CA10: variants seen among roughly 807,000 people sequenced by gnomAD.
The protein encoded by CA10 is carbonic anhydrase 10 (inactive).
CA10 carries 14 observed loss-of-function variants against 44.2 expected under a neutral mutation model. That is an observed-to-expected ratio of 0.32 (90% CI 0.21 to 0.50). CA10 has a LOEUF of 0.50. CA10 is among the 20% of genes least tolerant of loss of function. The pLI is 0.99. For missense variants in CA10, 350 were observed against 409.7 expected (o/e 0.85, Z 1.26); for synonymous variants, 159 against 141.6 (o/e 1.12, Z -0.87).
chr17:51,663,793 C>T (rs543552175), intron 4 of CA10, among the ~76,000 whole-genome samples: 1 of 152,286 alleles, frequency 6.6e-6, no homozygotes, highest in South Asian at 2.1e-4. Flanking sequence ...TGTTAAGTTC[C>T]ATAGATAACA....
intron 2 of CA10, among the ~76,000 whole-genome samples, chr17:51,963,837 C>T (rs1983982020): frequency 6.6e-6 from 1 of 151,990 alleles, no homozygotes; most frequent in Non-Finnish European, 1.5e-5. Flanking sequence ...TCTCACAGGC[C>T]CTATAAAGCA....
At chr17:51,871,123 A>G (rs1979790402) in intron 3 of CA10, among the ~76,000 whole-genome samples, 1 of 128,952 alleles carries the variant, frequency 7.8e-6, no homozygotes, top group Non-Finnish European at 1.5e-5. Context: ...GAGTGGCATG[A>G]TCTTGGCTCA....
chr17:51,957,328 T>C (rs1983703794), intron 2 of CA10, among the ~76,000 whole-genome samples: 1 of 152,210 alleles, frequency 6.6e-6, no homozygotes, highest in African/African-American at 2.4e-5. Flanking sequence ...CTTCTGTTTA[T>C]TATGAGAGTA....
chr17:51,995,220 T>C (rs2093699436), intron 2 of CA10, among the ~76,000 whole-genome samples: 1 of 152,052 alleles, frequency 6.6e-6, no homozygotes, highest in Non-Finnish European at 1.5e-5. Flanking sequence ...AGTTATAAAA[T>C]ATTTGGTACA....
intron 4 of CA10, among the ~76,000 whole-genome samples, chr17:51,722,691 T>C (rs984515649): frequency 6.6e-6 from 1 of 152,162 alleles, no homozygotes; most frequent in Non-Finnish European, 1.5e-5. Flanking sequence ...AGACATATTA[T>C]CACTATTTTC....
At chr17:52,138,415 C>T (rs1171194501) in intron 1 of CA10, among the ~76,000 whole-genome samples, 1 of 152,160 alleles carries the variant, frequency 6.6e-6, no homozygotes, top group East Asian at 1.9e-4. Context: ...AATTAGGACA[C>T]AAACATCTTT....
chr17:52,114,591 G>A (rs374459868), intron 1 of CA10, among the ~76,000 whole-genome samples: 16 of 152,320 alleles, frequency 1.1e-4, no homozygotes, highest in African/African-American at 3.1e-4. Context: ...TAAGAGGGCA[G>A]AATTAGTAAT....
chr17:51,891,709 G>C (rs1028249592), intron 3 of CA10, among the ~76,000 whole-genome samples: 1 of 152,186 alleles, frequency 6.6e-6, no homozygotes, highest in Admixed American at 6.5e-5. Flanking sequence ...TTGGTATGGT[G>C]GCTCAGGAGG....
intron 2 of CA10, among the ~76,000 whole-genome samples, chr17:52,056,859 C>T (rs1987243284): frequency 6.6e-6 from 1 of 152,038 alleles, no homozygotes. Flanking sequence ...TCTAAATAGT[C>T]ACACAGAATG....
intron 3 of CA10, among the ~76,000 whole-genome samples, chr17:51,858,066 T>C (rs1173699117): frequency 1.3e-5 from 2 of 152,134 alleles, no homozygotes; most frequent in Non-Finnish European, 2.9e-5. Context: ...TATTATTATG[T>C]AAATTGAGAA....
intron 3 of CA10, among the ~76,000 whole-genome samples, chr17:51,886,849 T>A (rs1446701913): frequency 6.6e-6 from 1 of 152,156 alleles, no homozygotes; most frequent in Non-Finnish European, 1.5e-5. Context: ...CACCCTGGGA[T>A]TTTGGTACTT....
At chr17:51,900,725 T>C (rs1981277160) in intron 3 of CA10, among the ~76,000 whole-genome samples, 1 of 152,176 alleles carries the variant, frequency 6.6e-6, no homozygotes, top group Non-Finnish European at 1.5e-5. Context: ...TTCATTTTTT[T>C]CTTTATTTTT....
At chr17:51,995,019 T>G (rs1310470575) in intron 2 of CA10, among the ~76,000 whole-genome samples, 2 of 152,076 alleles carry the variant, frequency 1.3e-5, no homozygotes, top group African/African-American at 2.4e-5. Context: ...GGTCTTTTTT[T>G]CTTTCCTATA....
intron 3 of CA10, among the ~76,000 whole-genome samples, chr17:51,848,641 G>A (rs1007436100): frequency 6.6e-6 from 1 of 152,334 alleles, no homozygotes; most frequent in South Asian, 2.1e-4. Flanking sequence ...CCCAATATGA[G>A]CCTGGGACAA....
intron 3 of CA10, among the ~76,000 whole-genome samples, chr17:51,861,026 C>G (rs78260056): frequency 9.1e-4 from 138 of 152,276 alleles, no homozygotes; most frequent in African/African-American, 3.2e-3. Context: ...TTTATGAAGC[C>G]ACTGTCCCTC....
chr17:51,709,071 C>T (rs954339485), intron 4 of CA10, among the ~76,000 whole-genome samples: 1 of 151,970 alleles, frequency 6.6e-6, no homozygotes, highest in Non-Finnish European at 1.5e-5. Context: ...TTAGTTCTGT[C>T]CCTTCAGAGA....
rs200695631 is a variant in CA10, at chr17:51,649,272, A to G, written c.562-18T>C. On this transcript the variant is annotated intron_variant, in intron 5 of 8. Transcript: ENST00000451037. ...TCAGAAACCTGGAGGAGAAAAGAAAATATTAATGACTGGGCATCACTCTTG... is the reference window on the plus strand; with the variant it reads ...TCAGAAACCTGGAGGAGAAAAGAAAGTATTAATGACTGGGCATCACTCTTG... 38 of 1,569,670 alleles carry G rather than the reference A, an allele frequency of 2.4e-5. No individual in the cohort carries two copies. In the East Asian group the frequency reaches 8.3e-4, roughly 34 times the overall value.
chr17:51,888,322 C>T lies in CA10; in HGVS notation c.279+42668G>A, dbSNP rs184466941. ...AGAGTTTTCCAGACAAAATAAGCTA[C>T]TTTCAAATATCATCTTTTACTGAAC... On this transcript the variant is annotated intron_variant, in intron 3 of 8. Transcript: ENST00000451037. 4.6e-5 allele frequency among the ~76,000 whole-genome samples: 7 copies of T among 152,274 alleles called. No individual in the cohort carries two copies. The East Asian group carries it at 1.4e-3, about 29-fold the overall frequency.
chr17:51,850,978 T>C (rs1447921705), intron 3 of CA10, among the ~76,000 whole-genome samples: 3 of 152,162 alleles, frequency 2.0e-5, no homozygotes, highest in Non-Finnish European at 4.4e-5. Context: ...AGCTGCCCCT[T>C]CTTCCCAGTG....
Sources: allele counts gnomAD v4.1 joint callset (sites outside exome capture counted in the v4.1 genomes callset), GRCh38; gene constraint gnomAD v4.1.1; transcripts MANE v1.5; gene names NCBI Gene and HGNC (gene_info 2026-07-23, HGNC 2026-07-21).